The following DMD variants were observed in gnomAD, a reference collection of about 807,000 sequenced individuals.
DMD encodes the protein mutant dystrophin.
Under a neutral mutation model 330.1 loss-of-function variants are expected in DMD, and 63 were observed. That is an observed-to-expected ratio of 0.19 (90% CI 0.16 to 0.24). The LOEUF (loss-of-function observed/expected upper bound fraction) is 0.24, where lower values mean the gene tolerates loss of function less well. DMD is among the 10% of genes least tolerant of loss of function. The pLI is 1.00. For missense variants in DMD, 3,344 were observed against 2,684.1 expected, an observed-to-expected ratio of 1.25 and a Z score of -5.43; for synonymous variants, 1,223 against 959.8, an observed-to-expected ratio of 1.27 and a Z score of -5.07.
intron 4 of DMD, among the ~76,000 whole-genome samples, chrX:32,838,950 A>T (rs1186335761): frequency 8.9e-6 from 1 of 112,300 alleles, no homozygotes; most frequent in Non-Finnish European, 1.9e-5. Flanking sequence ...ATTATAAATC[A>T]TTCTACTATG....
chrX:32,800,666 CTA>C (rs1469793828), intron 7 of DMD, among the ~76,000 whole-genome samples: 5 of 110,786 alleles, frequency 4.5e-5, no homozygotes, highest in Non-Finnish European at 9.4e-5. Flanking sequence ...AATCCGTCAT[CTA>C]TGTTAGGTAT....
intron 27 of DMD, among the ~76,000 whole-genome samples, chrX:32,443,828 G>C: frequency 9.0e-6 from 1 of 111,554 alleles, no homozygotes; most frequent in Non-Finnish European, 1.9e-5. Flanking sequence ...TTGAAGGAAA[G>C]TACAAATAAA....
Position 31,542,004 on chromosome X carries a change from A to G in DMD, c.8218-34551T>C, listed in dbSNP as rs759335398. ...ATATTAGTTTCACTTCTACTTTTAA[A>G]GAACGTGGCTACTAGAATACTTAAG... is the stretch of plus-strand genomic sequence containing the variant. On this transcript the variant is annotated intron_variant, in intron 55 of 78. Coordinates refer to ENST00000357033, the MANE Select transcript of DMD (RefSeq NM_004006.3). Among the ~76,000 whole-genome samples, 11 of 112,229 alleles carry G rather than the reference A, an allele frequency of 9.8e-5. No individual in the cohort carries two copies. The South Asian group carries it at 2.2e-3, about 23-fold the overall frequency.
chrX:33,080,343 T>TCGTTC (rs1349359337), intron 1 of DMD, among the ~76,000 whole-genome samples: 1 of 111,756 alleles, frequency 8.9e-6, no homozygotes, highest in Non-Finnish European at 1.9e-5. Context: ...ACCCTCAGTT[T>TCGTTC]CGTTCCGTTA....
chrX:32,144,809 G>T (rs1217501634), intron 44 of DMD, among the ~76,000 whole-genome samples: 1 of 111,410 alleles, frequency 9.0e-6, no homozygotes, highest in Non-Finnish European at 1.9e-5. Context: ...GAGGAGGGTG[G>T]ATCACCTGAG....
chrX:31,821,949 T>C (rs2092771292), intron 49 of DMD, among the ~76,000 whole-genome samples: 1 of 112,176 alleles, frequency 8.9e-6, no homozygotes, highest in East Asian at 2.8e-4. Flanking sequence ...CATATACACG[T>C]TGTAGTTTAA....
chrX:31,394,783 G>T (rs1415224680), intron 60 of DMD, among the ~76,000 whole-genome samples: 1 of 111,557 alleles, frequency 9.0e-6, no homozygotes, highest in Non-Finnish European at 1.9e-5. Flanking sequence ...CACGGAGCGA[G>T]ACTCTGTCTC....
At chrX:31,978,079 T>C in intron 44 of DMD, among the ~76,000 whole-genome samples, 1 of 111,990 alleles carries the variant, frequency 8.9e-6, no homozygotes, top group South Asian at 3.7e-4. Flanking sequence ...GTAAATCTTT[T>C]CTAATTTTTT....
At chrX:31,543,793 T>C (rs1030830165) in intron 55 of DMD, among the ~76,000 whole-genome samples, 6 of 111,330 alleles carry the variant, frequency 5.4e-5, no homozygotes, top group African/African-American at 2.0e-4. Flanking sequence ...CCTCAAGTGT[T>C]ATCTTGAGTG....
chrX:31,220,448 C>T (rs916167476), intron 64 of DMD, among the ~76,000 whole-genome samples: 1 of 111,882 alleles, frequency 8.9e-6, no homozygotes, highest in African/African-American at 3.3e-5. Context: ...GCTGACATCC[C>T]AGCAACATCT....
At chrX:33,258,483 AT>A (rs1291061192) in intron 1 of DMD, among the ~76,000 whole-genome samples, 1 of 111,513 alleles carries the variant, frequency 9.0e-6, no homozygotes, top group Non-Finnish European at 1.9e-5. Flanking sequence ...CGTACTAAAC[AT>A]TTTGGAATAA....
In DMD at chrX:33,155,265, A is replaced by C. The variant is rs1346836722; in HGVS notation, c.31+56017T>G. Among the ~76,000 whole-genome samples the C allele has an allele frequency of 2.7e-5, 3 of 110,652 alleles. No homozygotes were observed. The Admixed American group carries it at 2.9e-4, about 11-fold the overall frequency. On this transcript the variant is annotated intron_variant, in intron 1 of 78. Coordinates refer to ENST00000357033, the MANE Select transcript of DMD (RefSeq NM_004006.3). ...TTGACCCACACTATTAATAATCTTC[A>C]CAATATCAATCATTGTTGCAGCTTA... is the stretch of plus-strand genomic sequence containing the variant.
rs771370530 is a variant in DMD, at chrX:32,633,663, C to T, written c.1331+10469G>A. ...GACTGAGTAATTTATAAAGAAAAGA[C>T]GCTTAATTGGCTCACAGTTCTACAG... is the stretch of plus-strand genomic sequence containing the variant. On this transcript the variant is annotated intron_variant, in intron 11 of 78. Coordinates refer to ENST00000357033, the MANE Select transcript of DMD (RefSeq NM_004006.3). Among the ~76,000 whole-genome samples, 7 of 111,899 alleles carry T rather than the reference C, an allele frequency of 6.3e-5. No individual in the cohort carries two copies. In the East Asian group the frequency reaches 8.4e-4, roughly 14 times the overall value.
chrX:33,068,905 G>A (rs975305646), intron 1 of DMD, among the ~76,000 whole-genome samples: 1 of 112,062 alleles, frequency 8.9e-6, no homozygotes, highest in Non-Finnish European at 1.9e-5. Context: ...TTCCCTTAAG[G>A]ATGGATTACA....
At chrX:31,702,068 C>T (rs958174071) in intron 52 of DMD, among the ~76,000 whole-genome samples, 8 of 111,935 alleles carry the variant, frequency 7.1e-5, no homozygotes, top group Admixed American at 1.9e-4. Flanking sequence ...TGCCAATTGA[C>T]GAACCCTCTT....
intron 7 of DMD, among the ~76,000 whole-genome samples, chrX:32,731,627 G>C (rs1232224205): frequency 8.9e-6 from 1 of 112,128 alleles, no homozygotes; most frequent in African/African-American, 3.2e-5. Flanking sequence ...CACCCTAACT[G>C]GGAGGCACTC....
At chrX:32,677,298 T>A (rs2062037662) in intron 9 of DMD, among the ~76,000 whole-genome samples, 1 of 111,602 alleles carries the variant, frequency 9.0e-6, no homozygotes, top group Non-Finnish European at 1.9e-5. Context: ...CTTTTATATC[T>A]TAACTTTGTA....
At chrX:31,302,554 C>T (rs2054729839) in intron 62 of DMD, among the ~76,000 whole-genome samples, 1 of 110,310 alleles carries the variant, frequency 9.1e-6, no homozygotes, top group Non-Finnish European at 1.9e-5. Context: ...AAGAAAAATA[C>T]CTTAGATGGG....
intron 7 of DMD, among the ~76,000 whole-genome samples, chrX:32,806,819 C>A (rs1569525796): frequency 1.6e-5 from 1 of 62,396 alleles, no homozygotes; most frequent in Non-Finnish European, 3.0e-5. Context: ...TACATGGAAA[C>A]TAACAATCTG....
Sources: gnomAD v4.1 joint callset for allele counts (sites outside exome capture counted in the v4.1 genomes callset) on GRCh38, gnomAD v4.1.1 for gene constraint, MANE v1.5 for transcripts, NCBI Gene and HGNC (gene_info 2026-07-23, HGNC 2026-07-21) for gene names.